DNAJC1: variants seen among roughly 807,000 people sequenced by gnomAD.
The protein encoded by DNAJC1 is DnaJ heat shock protein family (Hsp40) member C1.
A neutral mutation model predicts 76.6 loss-of-function variants in DNAJC1; 58 were observed. The ratio of observed to expected loss-of-function variants is 0.76; its 90% CI spans 0.61 to 0.94. DNAJC1 has a LOEUF of 0.94. DNAJC1 is among the 40% of genes least tolerant of loss of function. DNAJC1 has a pLI of 0.00. For missense variants in DNAJC1, 689 were observed against 677.3 expected (o/e 1.02, Z -0.19); for synonymous variants, 258 against 267.9 (o/e 0.96, Z 0.36).
intron 8 of DNAJC1, among the ~76,000 whole-genome samples, chr10:21,833,932 C>A (rs545618923): frequency 6.6e-5 from 10 of 152,216 alleles, no homozygotes; most frequent in African/African-American, 2.4e-4. Context: ...GGAAAGATCA[C>A]TGTAGGGTAA....
chr10:21,971,161 T>A (rs983156958), intron 1 of DNAJC1, among the ~76,000 whole-genome samples: 3 of 151,940 alleles, frequency 2.0e-5, no homozygotes, highest in Non-Finnish European at 4.4e-5. Flanking sequence ...ATAATAACTA[T>A]CTAATCTTAC....
chr10:21,871,846 G>T (rs1836109926), intron 8 of DNAJC1, among the ~76,000 whole-genome samples: 1 of 151,752 alleles, frequency 6.6e-6, no homozygotes, highest in Non-Finnish European at 1.5e-5. Context: ...TGTTGGACAG[G>T]CTGGTCTGGA....
At chr10:21,941,613 T>A (rs1006466318) in intron 1 of DNAJC1, among the ~76,000 whole-genome samples, 6 of 152,274 alleles carry the variant, frequency 3.9e-5, no homozygotes, top group Middle Eastern at 6.8e-3. Flanking sequence ...TAGGAATTCA[T>A]TAAACTATTC....
intron 7 of DNAJC1, among the ~76,000 whole-genome samples, chr10:21,896,965 C>T (rs1044983735): frequency 1.3e-5 from 2 of 152,190 alleles, no homozygotes; most frequent in Non-Finnish European, 2.9e-5. Context: ...TGTTTGTGCC[C>T]TCCGGAGGAT....
chr10:21,997,562 ACTCACACCGC>A (rs750819710), intron 1 of DNAJC1, among the ~76,000 whole-genome samples: 4 of 152,106 alleles, frequency 2.6e-5, no homozygotes, highest in Non-Finnish European at 4.4e-5. Context: ...CAGTAAGGTA[ACTCACACCGC>A]CATGGTAAGA....
intron 9 of DNAJC1, among the ~76,000 whole-genome samples, chr10:21,797,732 C>T (rs1834765079): frequency 6.6e-6 from 1 of 152,088 alleles, no homozygotes. Context: ...TTTCTTTTTC[C>T]CTTGTATGTT....
intron 5 of DNAJC1, 32 bp downstream of exon 5, chr10:21,919,800 T>C: frequency 6.7e-7 from 1 of 1,483,826 alleles, no homozygotes; most frequent in South Asian, 1.2e-5. Flanking sequence ...TAAAACAGCT[T>C]CAAATTATAA....
intron 1 of DNAJC1, among the ~76,000 whole-genome samples, chr10:21,952,962 T>C (rs1192512393): frequency 6.6e-6 from 1 of 152,148 alleles, no homozygotes; most frequent in African/African-American, 2.4e-5. Flanking sequence ...GTTTTCTTAT[T>C]ATTCAAGAAG....
chr10:21,899,616 A>G (rs1836611672), intron 7 of DNAJC1, among the ~76,000 whole-genome samples: 1 of 152,186 alleles, frequency 6.6e-6, no homozygotes, highest in South Asian at 2.1e-4. Flanking sequence ...ACCCCAATTC[A>G]TTCTTCCTCA....
intron 1 of DNAJC1, among the ~76,000 whole-genome samples, chr10:21,999,430 T>C (rs1838477219): frequency 6.6e-6 from 1 of 151,268 alleles, no homozygotes; most frequent in Admixed American, 6.6e-5. Context: ...TCTTTGTTGA[T>C]TCCCCTCCAT....
chr10:21,775,477 T>C (rs1013884690), intron 9 of DNAJC1, among the ~76,000 whole-genome samples: 6 of 151,958 alleles, frequency 3.9e-5, no homozygotes, highest in African/African-American at 1.5e-4. Context: ...TGATTCTAGG[T>C]AGATAAAGAA....
chr10:21,894,687 T>C (rs1836512409), intron 7 of DNAJC1, among the ~76,000 whole-genome samples: 2 of 152,212 alleles, frequency 1.3e-5, no homozygotes, highest in Non-Finnish European at 1.5e-5. Flanking sequence ...GCTAATGCTA[T>C]GAACGTTTGT....
intron 3 of DNAJC1, among the ~76,000 whole-genome samples, chr10:21,924,820 G>T (rs1055878279): frequency 1.3e-5 from 2 of 152,130 alleles, no homozygotes; most frequent in South Asian, 4.2e-4. Context: ...TACACATGTA[G>T]GCTATATGGT....
chr10:21,971,271 T>A (rs1232604240), intron 1 of DNAJC1, among the ~76,000 whole-genome samples: 1 of 151,826 alleles, frequency 6.6e-6, no homozygotes, highest in Non-Finnish European at 1.5e-5. Flanking sequence ...ATTTGGCTGA[T>A]CAACAATTCA....
intron 8 of DNAJC1, among the ~76,000 whole-genome samples, chr10:21,872,055 G>A (rs1037420316): frequency 1.3e-5 from 2 of 149,654 alleles, no homozygotes; most frequent in Non-Finnish European, 3.0e-5. Flanking sequence ...GAACTTTCTA[G>A]ACAAAACGTT....
intron 8 of DNAJC1, among the ~76,000 whole-genome samples, chr10:21,849,292 CAAAAAAA>C (rs33953332): frequency 5.9e-4 from 21 of 35,864 alleles, no homozygotes; most frequent in African/African-American, 1.9e-3. Context: ...GACTCCGCCT[CAAAAAAA>C]AAAAAAAAAA....
At position 21,805,434 on chromosome 10, in the gene DNAJC1, G is replaced by A. The variant is rs142095209; in HGVS notation, c.1098+546C>T. On this transcript the variant is annotated intron_variant, in intron 9 of 11. Coordinates refer to ENST00000376980, the MANE Select transcript of DNAJC1 (RefSeq NM_022365.4). ...AAGTAATTTATCTTTTAAATGTTACGTATGGACACACACACACACACACAC... is the reference window on the plus strand; with the variant it reads ...AAGTAATTTATCTTTTAAATGTTACATATGGACACACACACACACACACAC... Among the ~76,000 whole-genome samples, 364 of 109,950 alleles carry A rather than the reference G, an allele frequency of 3.3e-3. 2 individuals are homozygous for A. Among genetic ancestry groups the A allele is most frequent in the Middle Eastern group, 8.3e-3 (2 of 242 alleles). 72.1% of individuals were successfully genotyped at this position (109,950 alleles called of 152,430 possible).
At chr10:21,817,098 T>C (rs1250259249) in intron 8 of DNAJC1, among the ~76,000 whole-genome samples, 2 of 136,268 alleles carry the variant, frequency 1.5e-5, no homozygotes, top group African/African-American at 5.6e-5. Flanking sequence ...AGGTGGAGCT[T>C]GCAGTGAGCT....
chr10:21,837,455 T>G (rs1050901870), intron 8 of DNAJC1, among the ~76,000 whole-genome samples: 4 of 151,060 alleles, frequency 2.6e-5, no homozygotes, highest in Non-Finnish European at 4.4e-5. Context: ...CCATCCCGTC[T>G]AGGAAGTGAG....
Sources: gnomAD v4.1 joint callset for allele counts (sites outside exome capture counted in the v4.1 genomes callset) on GRCh38, gnomAD v4.1.1 for gene constraint, MANE v1.5 for transcripts, NCBI Gene and HGNC (gene_info 2026-07-23, HGNC 2026-07-21) for gene names.